Variants in ARHGAP22 observed in about 807,000 individuals in gnomAD.
ARHGAP22 encodes Rho GTPase activating protein 22, also known as rho GTPase-activating protein 22.
In ARHGAP22, 48 loss-of-function variants were observed where a neutral mutation model predicts 59.1. The ratio of observed to expected loss-of-function variants is 0.81; its 90% CI spans 0.64 to 1.03. The LOEUF (loss-of-function observed/expected upper bound fraction) is 1.03. Ranked by LOEUF, ARHGAP22 falls within the 50% of genes least tolerant of loss-of-function variation. The pLI is 0.00. For synonymous variants in ARHGAP22, 445 were observed against 416.4 expected, an observed-to-expected ratio of 1.07 and a Z score of -0.84; for missense variants, 1,015 against 958.7, an observed-to-expected ratio of 1.06 and a Z score of -0.78.
At chr10:48,580,486 C>T (rs1171687358) in intron 2 of ARHGAP22, among the ~76,000 whole-genome samples, 1 of 152,210 alleles carries the variant, frequency 6.6e-6, no homozygotes, top group Non-Finnish European at 1.5e-5. Flanking sequence ...CACCCGGGCT[C>T]TCCCAGCATC....
chr10:48,580,426 G>C (rs1009460155), intron 2 of ARHGAP22, among the ~76,000 whole-genome samples: 8 of 152,204 alleles, frequency 5.3e-5, no homozygotes, highest in African/African-American at 1.7e-4. Flanking sequence ...GAAGCCTGTG[G>C]CAGAGGAGGC....
chr10:48,611,533 T>A (rs1035481240), intron 1 of ARHGAP22, among the ~76,000 whole-genome samples: 2 of 152,202 alleles, frequency 1.3e-5, no homozygotes, highest in East Asian at 1.9e-4. Context: ...GAAACTTAGG[T>A]AAAGAGTCAG....
At chr10:48,493,482 G>C (rs778428046) in intron 3 of ARHGAP22, 1 of 1,536,064 alleles carries the variant, frequency 6.5e-7, no homozygotes, top group South Asian at 1.2e-5. Context: ...TGATGGGCCA[G>C]AAGGGCATGG....
chr10:48,458,080 CAGG>C (rs1232036349), intron 5 of ARHGAP22, among the ~76,000 whole-genome samples: 4 of 152,118 alleles, frequency 2.6e-5, no homozygotes, highest in Non-Finnish European at 5.9e-5. Context: ...TCAGATACCC[CAGG>C]AGGAGTTTCT....
chr10:48,651,525 C>T (rs1032752732), intron 1 of ARHGAP22, among the ~76,000 whole-genome samples: 1 of 151,558 alleles, frequency 6.6e-6, no homozygotes, highest in African/African-American at 2.4e-5. Flanking sequence ...ACCCAATCAT[C>T]ACCTGCATAG....
chr10:48,498,625 G>A (rs1024325961), intron 3 of ARHGAP22, among the ~76,000 whole-genome samples: 17 of 152,168 alleles, frequency 1.1e-4, no homozygotes, highest in Admixed American at 3.3e-4. Context: ...CTCTTGATGC[G>A]CTAGAGCCAA....
chr10:48,530,255 A>AAAAAAAAAAAAC (rs2054705060), intron 3 of ARHGAP22, among the ~76,000 whole-genome samples: 1 of 151,436 alleles, frequency 6.6e-6, no homozygotes, highest in East Asian at 1.9e-4. Context: ...AAAAAAAAAA[A>AAAAAAAAAAAAC]AAAAAATCAA....
In ARHGAP22 at chr10:48,450,805, G is replaced by A; in HGVS notation, c.1324C>T (p.Pro442Ser). ...TCCAGGGATGAGCCGCCCCCCTTCG[G>A]GCTTCCCGATAGGGACCTCGGCTGC... Reference protein sequence around the residue: ...FRQPRSLSGSPKGGGSSLEVP... With the variant: ...FRQPRSLSGSSKGGGSSLEVP... The change falls in exon 9 of 10, where the codon CCG becomes TCG. Residue 442 changes from proline (P) to serine (S), a missense_variant. By Grantham distance (74) the Pro-to-Ser change is moderately conservative. Coordinates refer to ENST00000249601, the MANE Select transcript of ARHGAP22 (RefSeq NM_021226.4). 6.3e-7 allele frequency: 1 copy of A among 1,578,248 alleles called. No individual in the cohort carries two copies. The highest frequency in any genetic ancestry group is 8.6e-7 in the Non-Finnish European group (1 of 1,162,692).
chr10:48,536,912 C>T (rs2055411397), intron 3 of ARHGAP22, among the ~76,000 whole-genome samples: 1 of 152,116 alleles, frequency 6.6e-6, no homozygotes, highest in Non-Finnish European at 1.5e-5. Context: ...AATTTCTTTT[C>T]CTCCCCAAGC....
intron 1 of ARHGAP22, among the ~76,000 whole-genome samples, chr10:48,603,476 T>G (rs1365607044): frequency 6.6e-6 from 1 of 152,252 alleles, no homozygotes; most frequent in Non-Finnish European, 1.5e-5. Context: ...TGTACATTCT[T>G]TTTTTGTACT....
rs146105571 is a variant in ARHGAP22, at chr10:48,491,729, G to A, written c.323-11965C>T. ...GCATGACACTCACAGACTGATGAGC[G>A]TGAGTAGTGTGAACACTTGTGGGAT... On this transcript the variant is annotated intron_variant, in intron 3 of 9. Coordinates refer to ENST00000249601, the MANE Select transcript of ARHGAP22 (RefSeq NM_021226.4). 1.1e-3 allele frequency among the ~76,000 whole-genome samples: 163 copies of A among 152,384 alleles called. 1 individual carries two copies. The highest frequency in any genetic ancestry group is 3.7e-3 in the African/African-American group (152 of 41,590).
At chr10:48,601,486 GTATT>G (rs2060380736) in intron 1 of ARHGAP22, among the ~76,000 whole-genome samples, 1 of 152,146 alleles carries the variant, frequency 6.6e-6, no homozygotes, top group Non-Finnish European at 1.5e-5. Flanking sequence ...TTTCCAGATA[GTATT>G]TATTTATTAC....
chr10:48,527,793 A>G (rs1195213831), intron 3 of ARHGAP22, among the ~76,000 whole-genome samples: 1 of 152,232 alleles, frequency 6.6e-6, no homozygotes, highest in Non-Finnish European at 1.5e-5. Flanking sequence ...ATATGCTGCA[A>G]GGCTCTAGCT....
upstream of ARHGAP22, among the ~76,000 whole-genome samples, chr10:48,655,014 CTT>C (rs2062730314): frequency 1.5e-5 from 1 of 64,690 alleles, no homozygotes; most frequent in Admixed American, 1.6e-4. Flanking sequence ...CTTTCTCTTT[CTT>C]TCTTTCTTTC....
intron 3 of ARHGAP22, among the ~76,000 whole-genome samples, chr10:48,486,652 G>A (rs1421755223): frequency 6.6e-6 from 1 of 152,036 alleles, no homozygotes; most frequent in African/African-American, 2.4e-5. Context: ...TAAATTATAA[G>A]AGAAAAGCAT....
chr10:48,548,618 C>A (rs2056656383), intron 3 of ARHGAP22, among the ~76,000 whole-genome samples: 1 of 152,162 alleles, frequency 6.6e-6, no homozygotes, highest in African/African-American at 2.4e-5. Flanking sequence ...CAGGCCTCTC[C>A]ACTCCCCACC....
intron 1 of ARHGAP22, among the ~76,000 whole-genome samples, chr10:48,615,524 T>G (rs1344419902): frequency 2.0e-5 from 3 of 152,158 alleles, no homozygotes; most frequent in Non-Finnish European, 4.4e-5. Context: ...CAATTCAAAG[T>G]GTCCAGTTTT....
chr10:48,641,042 A>G (rs892319606), intron 1 of ARHGAP22, among the ~76,000 whole-genome samples: 11 of 152,304 alleles, frequency 7.2e-5, no homozygotes, highest in Middle Eastern at 3.4e-3. Flanking sequence ...ATTAATCTGA[A>G]GTAGATTAAG....
chr10:48,538,556 A>C (rs2055597549), intron 3 of ARHGAP22, among the ~76,000 whole-genome samples: 1 of 152,222 alleles, frequency 6.6e-6, no homozygotes. Flanking sequence ...CAGTAATTGT[A>C]ATTCCAGTTT....
Sources: allele counts gnomAD v4.1 joint callset (sites outside exome capture counted in the v4.1 genomes callset), GRCh38; gene constraint gnomAD v4.1.1; transcripts MANE v1.5; gene names NCBI Gene and HGNC (gene_info 2026-07-23, HGNC 2026-07-21).